The following PLXNA1 variants were observed in gnomAD, a reference collection of about 807,000 sequenced individuals.
The protein encoded by PLXNA1 is plexin-A1.
Under a neutral mutation model 191.7 loss-of-function variants are expected in PLXNA1, and 77 were observed. The observed-to-expected ratio is 0.40, with a 90% CI of 0.33 to 0.49. PLXNA1 has a LOEUF of 0.49. Ranked by LOEUF, PLXNA1 falls within the 20% of genes least tolerant of loss-of-function variation. PLXNA1 has a pLI of 0.63. For missense variants in PLXNA1, 2,110 were observed against 2,660.2 expected (o/e 0.79, Z 4.55); for synonymous variants, 1,137 against 1,156.4 (o/e 0.98, Z 0.34).
At position 126,991,365 on chromosome 3, in the gene PLXNA1, AC is replaced by A; in HGVS notation, c.1195-16del. 1 of 1,610,926 alleles carries A rather than the reference AC, an allele frequency of 6.2e-7. No individual in the cohort carries two copies. The highest frequency in any genetic ancestry group is 1.7e-4 in the Middle Eastern group (1 of 5,874). ...AGAAGGTGCCCGGGGAGTGGCTCTC[AC>A]CCTGCCCCTTCCCACAGCCCCTGCA... On this transcript the variant is annotated intron_variant, in intron 2 of 31. Coordinates refer to ENST00000393409, the MANE Select transcript of PLXNA1 (RefSeq NM_032242.4).
intron 3 of PLXNA1, among the ~76,000 whole-genome samples, chr3:127,002,131 C>T (rs894093496): frequency 2.6e-5 from 4 of 152,194 alleles, no homozygotes; most frequent in East Asian, 1.9e-4. Flanking sequence ...CTGGGCCGCC[C>T]GCTGTCCCTG....
intron 8 of PLXNA1, among the ~76,000 whole-genome samples, chr3:127,007,470 C>T (rs539988208): frequency 1.3e-5 from 2 of 152,322 alleles, no homozygotes; most frequent in South Asian, 2.1e-4. Context: ...ATTTCTGATG[C>T]GAGTACCCAT....
At chr3:126,985,889 C>T (rs533347231) in intron 1 of PLXNA1, among the ~76,000 whole-genome samples, 3 of 152,222 alleles carry the variant, frequency 2.0e-5, no homozygotes, top group Non-Finnish European at 4.4e-5. Context: ...AGATGCTGGG[C>T]ATGAGGGACC....
At chr3:127,003,085 T>C (rs2079048469) in intron 3 of PLXNA1, among the ~76,000 whole-genome samples, 1 of 152,028 alleles carries the variant, frequency 6.6e-6, no homozygotes, top group Non-Finnish European at 1.5e-5. Context: ...CTCTGCTGAC[T>C]GTTAAAGGGG....
In PLXNA1 at chr3:127,017,632, G is replaced by A. The variant is rs1216197348; in HGVS notation, c.3484G>A (p.Glu1162Lys). The A allele has an allele frequency of 1.9e-5, 30 of 1,613,600 alleles. No individual in the cohort carries two copies. Among genetic ancestry groups the A allele is most frequent in the African/African-American group, 2.7e-5 (2 of 75,042 alleles). The change falls in exon 18 of 32, where the codon GAG (glutamate) becomes AAG (lysine). Residue 1162 changes from glutamate (E) to lysine (K), a missense_variant. Around this residue, in one of 4 missense-constraint regions of PLXNA1, gnomAD observed 644 missense variants for 714.3 expected, o/e 0.90. Coordinates refer to ENST00000393409, the MANE Select transcript of PLXNA1 (RefSeq NM_032242.4). The part of the protein sequence containing the change: ...LEPLSPTGLL[E>K]LKPSSPLILK... Reference sequence around the variant, plus strand: ...GCCACTCAGCCCCACTGGCCTGCTGGAGCTGAAGCCCAGCTCCCCACTCAT... The same window carrying A: ...GCCACTCAGCCCCACTGGCCTGCTGAAGCTGAAGCCCAGCTCCCCACTCAT...
intron 29 of PLXNA1, 115 bp downstream of exon 29, chr3:127,030,527 C>T (rs753513623): frequency 4.5e-5 from 58 of 1,287,718 alleles, no homozygotes; most frequent in Non-Finnish European, 5.7e-5. Context: ...GGCGTGGGGA[C>T]ACAACCCAGC....
rs769246839 is a variant in PLXNA1, at chr3:127,017,572, A to G, written c.3424A>G (p.Thr1142Ala). 29 of 1,612,684 alleles carry G rather than the reference A, an allele frequency of 1.8e-5. No individual in the cohort carries two copies. The highest frequency in any genetic ancestry group is 6.7e-5 in the Admixed American group (4 of 59,928). The change falls in exon 18 of 32, where the codon ACC becomes GCC. Residue 1142 changes from threonine to alanine, a missense_variant. This residue lies in a region of PLXNA1 where 644 missense variants were observed against 714.3 expected (regional missense o/e 0.90). Transcript: ENST00000393409. ...NVRSLLVLNS[T>A]SFLYYPDPVL... The stretch of plus-strand genomic sequence containing the variant: ...GCGCTCCCTGCTTGTGCTCAACTCC[A>G]CCTCCTTCCTCTACTACCCTGACCC...
At chr3:127,021,014 A>T (rs2079149805) in intron 21 of PLXNA1, among the ~76,000 whole-genome samples, 2 of 152,176 alleles carry the variant, frequency 1.3e-5, no homozygotes, top group South Asian at 4.1e-4. Flanking sequence ...GTCCTTGGCG[A>T]GCCACGGCCA....
intron 3 of PLXNA1, among the ~76,000 whole-genome samples, chr3:126,997,853 G>A (rs997023010): frequency 2.6e-5 from 4 of 152,220 alleles, no homozygotes; most frequent in Admixed American, 6.5e-5. Context: ...GCACGGGCCC[G>A]TCAACACCAT....
In PLXNA1 at chr3:126,991,544, C is replaced by T. The variant is rs747504201; in HGVS notation, c.1355C>T (p.Thr452Met). Residue 452 changes from threonine to methionine, a missense_variant, in exon 3 of 32, where the codon ACG becomes ATG. This residue lies in a region of PLXNA1 where 903 missense variants were observed against 1,015.7 expected (regional missense o/e 0.89). Transcript: ENST00000393409. ...YRGRTVVFAG[T>M]RSGRIRKILV... ...GGCCGCACTGTGGTATTCGCCGGCA[C>T]GCGAAGTGGCCGCATCCGCAAGGTC... The T allele has an allele frequency of 3.8e-6, 6 of 1,585,892 alleles. No homozygotes were observed. Among genetic ancestry groups the T allele is most frequent in the South Asian group, 1.1e-5 (1 of 88,558 alleles).
intron 21 of PLXNA1, among the ~76,000 whole-genome samples, chr3:127,021,718 G>C (rs914766276): frequency 1.3e-5 from 2 of 152,170 alleles, no homozygotes; most frequent in Non-Finnish European, 2.9e-5. Context: ...TGTTCAAAGG[G>C]CCCAGTCACG....
Position 127,018,466 on chromosome 3 carries a change from T to C in PLXNA1, c.3833T>C (p.Leu1278Pro). The change falls in exon 20 of 32, where the codon CTC becomes CCC. Residue 1278 changes from leucine to proline, a missense_variant. Transcript: ENST00000393409. ...KRKSRDADRT[L>P]KRLQLQMDNL... ...AAGTCACGAGATGCTGACCGCACAC[T>C]CAAGCGGCTGCAGCTCCAGATGGAC... The C allele has an allele frequency of 6.2e-7, 1 of 1,612,840 alleles. No homozygotes were observed. Among genetic ancestry groups the C allele is most frequent in the Non-Finnish European group, 8.5e-7 (1 of 1,179,824 alleles).
chr3:126,997,987 A>T (rs2079022378), intron 3 of PLXNA1, among the ~76,000 whole-genome samples: 2 of 152,202 alleles, frequency 1.3e-5, no homozygotes, highest in Admixed American at 1.3e-4. Flanking sequence ...CCACAGGCAC[A>T]TGGGGCCTGT....
At chr3:126,996,536 T>C (rs941391169) in intron 3 of PLXNA1, among the ~76,000 whole-genome samples, 1 of 152,140 alleles carries the variant, frequency 6.6e-6, no homozygotes, top group Non-Finnish European at 1.5e-5. Context: ...AGCCTCCCTG[T>C]CCAGGGTCTG....
chr3:127,027,508 T>C (rs78792304), intron 23 of PLXNA1: 22,919 of 370,592 alleles, frequency 0.062, 816 homozygotes, highest in African/African-American at 0.1. Context: ...GCTTGTGCCA[T>C]GGGCGGTGGG....
In PLXNA1 at chr3:127,029,917, G is replaced by C. The variant is rs141689637; in HGVS notation, c.4914G>C (p.Ser1638=). 2.5e-6 allele frequency: 4 copies of C among 1,612,990 alleles called. No homozygotes were observed. The South Asian group carries it at 3.3e-5, about 13-fold the overall frequency. The change falls in exon 28 of 32, where the codon TCG becomes TCC. Residue 1638 remains serine (S), a synonymous_variant. Coordinates refer to ENST00000393409, the MANE Select transcript of PLXNA1 (RefSeq NM_032242.4). ...CCAGCAGCCCCGACAGCCTGCGCTC[G>C]CGCACGCCCATGATCACGCCCGACC... The part of the protein sequence containing the change: ...RTASSPDSLR[S]RTPMITPDLE...
rs777113619 is a variant in PLXNA1, at chr3:126,991,367, C to T, written c.1195-17C>T. On this transcript the variant is annotated splice_polypyrimidine_tract_variant and intron_variant, in intron 2 of 31. Coordinates refer to ENST00000393409, the MANE Select transcript of PLXNA1 (RefSeq NM_032242.4). ...AAGGTGCCCGGGGAGTGGCTCTCAC[C>T]CTGCCCCTTCCCACAGCCCCTGCAG... 3.7e-6 allele frequency: 6 copies of T among 1,611,732 alleles called. No individual in the cohort carries two copies. Among genetic ancestry groups the T allele is most frequent in the Non-Finnish European group, 5.1e-6 (6 of 1,179,474 alleles).
intron 2 of PLXNA1, 41 bp from the exon 3 acceptor site, chr3:126,991,343 A>G: frequency 6.2e-7 from 1 of 1,602,760 alleles, no homozygotes; most frequent in Non-Finnish European, 8.5e-7. Flanking sequence ...CTCCGGGAGA[A>G]GGTGCCCGGG....
intron 3 of PLXNA1, among the ~76,000 whole-genome samples, chr3:126,995,763 A>C (rs2107623143): frequency 6.6e-6 from 1 of 152,338 alleles, no homozygotes; most frequent in African/African-American, 2.4e-5. Context: ...TGAGTAGCTT[A>C]GGGAAGCCAC....
Sources: gnomAD v4.1 joint callset for allele counts (sites outside exome capture counted in the v4.1 genomes callset) on GRCh38, gnomAD v4.1.1 for gene constraint, gnomAD v4.1.1 regional missense constraint, MANE v1.5 for transcripts, NCBI Gene and HGNC (gene_info 2026-07-23, HGNC 2026-07-21) for gene names.